Variants in CRACR2A observed in about 807,000 individuals in gnomAD.
The protein encoded by CRACR2A is EF-hand calcium-binding domain-containing protein 4B.
CRACR2A carries 79 observed loss-of-function variants against 90.5 expected under a neutral mutation model. That is an observed-to-expected ratio of 0.87 (90% CI 0.73 to 1.05). The LOEUF is 1.05. Among genes scored for constraint, CRACR2A ranks in the 50% least tolerant of loss-of-function variants. The pLI, the probability that CRACR2A is intolerant of heterozygous loss-of-function variation, is 0.00. For synonymous variants in CRACR2A, 338 were observed against 356.7 expected, an observed-to-expected ratio of 0.95 and a Z score of 0.59; for missense variants, 823 against 897.2, an observed-to-expected ratio of 0.92 and a Z score of 1.06.
intron 13 of CRACR2A, among the ~76,000 whole-genome samples, chr12:3,641,266 C>T (rs1188749584): frequency 6.6e-6 from 1 of 152,144 alleles, no homozygotes; most frequent in Non-Finnish European, 1.5e-5. Flanking sequence ...ATCGCTTGAA[C>T]CTGGGAGGCA....
chr12:3,655,602 T>A (rs756760065), intron 9 of CRACR2A, among the ~76,000 whole-genome samples: 6 of 152,194 alleles, frequency 3.9e-5, no homozygotes, highest in Non-Finnish European at 7.4e-5. Context: ...CAGGAGCCCT[T>A]GCTAAGCAGT....
Position 3,638,029 on chromosome 12 carries a change from G to A in CRACR2A, c.1602+95C>T. 3 of 1,239,014 alleles carry A rather than the reference G, an allele frequency of 2.4e-6. No homozygotes were observed. The South Asian group carries it at 4.7e-5, about 20-fold the overall frequency. 76.8% of individuals were successfully genotyped at this position (1,239,014 alleles called of 1,614,324 possible). ...GTGAATCATAAGACCTGCAGCATCT[G>A]ACCTCCTGAGCTGCCTCTCCGGGCG... On this transcript the variant is annotated intron_variant, in intron 14 of 19. Coordinates refer to ENST00000440314, the MANE Select transcript of CRACR2A (RefSeq NM_001144958.2).
intron 7 of CRACR2A, among the ~76,000 whole-genome samples, chr12:3,667,296 C>G (rs1351532167): frequency 6.6e-6 from 1 of 152,218 alleles, no homozygotes; most frequent in Non-Finnish European, 1.5e-5. Context: ...ACTACGATGT[C>G]TGGCCCAGCA....
intron 2 of CRACR2A, among the ~76,000 whole-genome samples, chr12:3,714,391 C>T (rs925734991): frequency 6.6e-6 from 1 of 152,166 alleles, no homozygotes; most frequent in Non-Finnish European, 1.5e-5. Flanking sequence ...CCTGTTGGCA[C>T]CCCTGTCCCC....
chr12:3,643,872 A>ATATATTATATATAT (rs1293099213), intron 12 of CRACR2A, among the ~76,000 whole-genome samples: 14,868 of 69,972 alleles, frequency 0.21, 1,786 homozygotes, highest in East Asian at 0.5. Flanking sequence ...TATATATATT[A>ATATATTATATATAT]TATATATTTA....
At chr12:3,627,991 CTCTT>C (rs1307045985) in intron 15 of CRACR2A, among the ~76,000 whole-genome samples, 1 of 151,232 alleles carries the variant, frequency 6.6e-6, no homozygotes, top group African/African-American at 2.4e-5. Context: ...AAGCCATACA[CTCTT>C]TCTTTCCCTC....
At chr12:3,634,793 G>C (rs936914292) in intron 14 of CRACR2A, among the ~76,000 whole-genome samples, 1 of 152,008 alleles carries the variant, frequency 6.6e-6, no homozygotes, top group Non-Finnish European at 1.5e-5. Flanking sequence ...CTTTTGGAGA[G>C]AAATCAATTC....
At chr12:3,700,256 G>A (rs766852098) in intron 3 of CRACR2A, among the ~76,000 whole-genome samples, 3 of 152,140 alleles carry the variant, frequency 2.0e-5, no homozygotes, top group Non-Finnish European at 4.4e-5. Context: ...ATCTGACAGT[G>A]ATTTCTGCCT....
At chr12:3,629,462 C>T (rs866237644) in intron 15 of CRACR2A, among the ~76,000 whole-genome samples, 53 of 152,236 alleles carry the variant, frequency 3.5e-4, no homozygotes, top group African/African-American at 1.3e-3. Flanking sequence ...AAGGGGCTGC[C>T]TGCTTTCTGG....
rs1413359598 is a variant in CRACR2A, at chr12:3,638,246, A to G, written c.1480T>C (p.Cys494Arg). 3 of 1,551,560 alleles carry G rather than the reference A, an allele frequency of 1.9e-6. No individual in the cohort carries two copies. The highest frequency in any genetic ancestry group is 2.6e-6 in the Non-Finnish European group (3 of 1,146,968). Residue 494 changes from cysteine (C) to arginine (R), a missense_variant, in exon 14 of 20, where the codon TGC becomes CGC. Physicochemically the swap from Cys to Arg is radical, Grantham distance 180. Coordinates refer to ENST00000440314, the MANE Select transcript of CRACR2A (RefSeq NM_001144958.2). ...TCAGAGACCTCTTCCTCTTCTGAGC[A>G]TTTGCTCAGGGGTTGCTCAAAGCCA... ...DGGFEQPLSK[C>R]SEEEEVSDQG...
At chr12:3,625,705 C>T (rs922546249) in intron 17 of CRACR2A, among the ~76,000 whole-genome samples, 4 of 150,740 alleles carry the variant, frequency 2.7e-5, no homozygotes, top group African/African-American at 9.8e-5. Context: ...GCAGCTCTGA[C>T]GGAGATGGGG....
chr12:3,616,948 C>G lies in CRACR2A; in HGVS notation c.2111+6G>C. ...GTTACTGCACCTGGGGAGCACATCTCTTTACCTGGCCAGATGGAGCAGGGA... is the reference window on the plus strand; with the variant it reads ...GTTACTGCACCTGGGGAGCACATCTGTTTACCTGGCCAGATGGAGCAGGGA... On this transcript the variant is annotated splice_donor_region_variant and intron_variant, in intron 19 of 19. Coordinates refer to ENST00000440314, the MANE Select transcript of CRACR2A (RefSeq NM_001144958.2). 1 of 1,549,994 alleles carries G rather than the reference C, an allele frequency of 6.5e-7. No individual in the cohort carries two copies. Among genetic ancestry groups the G allele is most frequent in the Non-Finnish European group, 8.7e-7 (1 of 1,145,444 alleles).
At chr12:3,619,068 A>G (rs997884232) in intron 18 of CRACR2A, among the ~76,000 whole-genome samples, 1 of 152,218 alleles carries the variant, frequency 6.6e-6, no homozygotes. Context: ...AACCAACTCC[A>G]TCTTGCAACC....
chr12:3,717,933 A>G (rs1946104365), intron 2 of CRACR2A, among the ~76,000 whole-genome samples: 1 of 152,174 alleles, frequency 6.6e-6, no homozygotes, highest in African/African-American at 2.4e-5. Flanking sequence ...CTCAGTTCCC[A>G]TGTGACCCTA....
At chr12:3,615,822 C>T (rs918605311) in intron 19 of CRACR2A, among the ~76,000 whole-genome samples, 1 of 152,212 alleles carries the variant, frequency 6.6e-6, no homozygotes, top group African/African-American at 2.4e-5. Context: ...GGGACTGAGA[C>T]TTATCTTTTG....
chr12:3,725,025 C>A (rs1339426060), intron 2 of CRACR2A, among the ~76,000 whole-genome samples: 1 of 152,128 alleles, frequency 6.6e-6, no homozygotes, highest in Non-Finnish European at 1.5e-5. Context: ...TGGTTCTCCA[C>A]AGAATCAGTG....
chr12:3,677,845 T>C (rs1005472261), intron 6 of CRACR2A, among the ~76,000 whole-genome samples: 1 of 152,228 alleles, frequency 6.6e-6, no homozygotes, highest in Non-Finnish European at 1.5e-5. Flanking sequence ...CCCAGGCACT[T>C]GCCTATCCCT....
At chr12:3,724,764 G>A (rs1946236052) in intron 2 of CRACR2A, among the ~76,000 whole-genome samples, 1 of 152,190 alleles carries the variant, frequency 6.6e-6, no homozygotes, top group South Asian at 2.1e-4. Flanking sequence ...GGGGAGGGGT[G>A]GAGTGCACCC....
chr12:3,734,752 G>C (rs899460736), intron 1 of CRACR2A, among the ~76,000 whole-genome samples: 1 of 152,154 alleles, frequency 6.6e-6, no homozygotes, highest in Non-Finnish European at 1.5e-5. Context: ...ATTATGCTAA[G>C]TGAGGTAAGC....
Sources: gnomAD v4.1 joint callset for allele counts (sites outside exome capture counted in the v4.1 genomes callset) on GRCh38, gnomAD v4.1.1 for gene constraint, MANE v1.5 for transcripts, NCBI Gene and HGNC (gene_info 2026-07-23, HGNC 2026-07-21) for gene names.